The following APLF variants were observed in gnomAD, a reference collection of about 807,000 sequenced individuals.
APLF encodes aprataxin and PNK-like factor.
APLF carries 61 observed loss-of-function variants against 55.6 expected under a neutral mutation model. The observed-to-expected ratio is 1.10, with a 90% CI of 0.89 to 1.36. APLF has a LOEUF of 1.36. Ranked by LOEUF, APLF falls within the 40% of genes most tolerant of loss-of-function variation. The pLI is 0.00. For missense variants in APLF, 611 were observed against 602.5 expected, an observed-to-expected ratio of 1.01 and a Z score of -0.15; for synonymous variants, 207 against 214.8, an observed-to-expected ratio of 0.96 and a Z score of 0.32.
At chr2:68,535,044 G>C (rs1372199376) in intron 6 of APLF, among the ~76,000 whole-genome samples, 1 of 152,058 alleles carries the variant, frequency 6.6e-6, no homozygotes, top group Non-Finnish European at 1.5e-5. Context: ...TCCAGCTTTT[G>C]TGCCTCTTAA....
intron 3 of APLF, among the ~76,000 whole-genome samples, chr2:68,510,149 A>G (rs905335328): frequency 2.0e-5 from 3 of 151,806 alleles, no homozygotes; most frequent in African/African-American, 4.8e-5. Flanking sequence ...GCACACCAAC[A>G]TGGCACATGT....
intron 8 of APLF, among the ~76,000 whole-genome samples, chr2:68,546,038 A>G (rs1670694360): frequency 6.6e-6 from 1 of 152,156 alleles, no homozygotes; most frequent in African/African-American, 2.4e-5. Context: ...CTACTGGGCT[A>G]TTTGAAGTTG....
chr2:68,517,941 G>T (rs903882290), intron 5 of APLF, among the ~76,000 whole-genome samples: 2 of 140,988 alleles, frequency 1.4e-5, no homozygotes. Flanking sequence ...ATATATAACC[G>T]TAATATATCA....
At chr2:68,542,939 C>T (rs1278899551) in intron 7 of APLF, among the ~76,000 whole-genome samples, 3 of 152,116 alleles carry the variant, frequency 2.0e-5, no homozygotes. Flanking sequence ...TTGGTATATA[C>T]ATATGATGGA....
chr2:68,528,719 A>T, intron 6 of APLF: 11 of 1,512,086 alleles, frequency 7.3e-6, no homozygotes, highest in Non-Finnish European at 8.9e-6. Context: ...AAAGGGAAGG[A>T]TGCCTCCAGC....
At chr2:68,517,027 T>A (rs1404847373) in intron 5 of APLF, among the ~76,000 whole-genome samples, 1 of 97,762 alleles carries the variant, frequency 1.0e-5, no homozygotes, top group Admixed American at 1.1e-4. Context: ...AATAATATAT[T>A]AATATATAAT....
At chr2:68,568,844 T>C (rs1671379182) in intron 9 of APLF, among the ~76,000 whole-genome samples, 1 of 152,108 alleles carries the variant, frequency 6.6e-6, no homozygotes, top group African/African-American at 2.4e-5. Context: ...TTAATAGAAG[T>C]ATAGATATTT....
At position 68,579,903 on chromosome 2, in the gene APLF, G is replaced by A; in HGVS notation, c.*1881G>A. The A allele has an allele frequency of 6.8e-6, 3 of 440,316 alleles. No individual in the cohort carries two copies. The highest frequency in any genetic ancestry group is 9.0e-6 in the Non-Finnish European group (3 of 332,072). The allele number at this position is 440,316 out of a possible 1,614,324, so 27.3% of individuals were successfully genotyped here. A position where few individuals can be genotyped will look rare whatever the true frequency, so the allele number is the denominator to read the frequency against. ...ACTCTGTAAATATATTACAAACAAT[G>A]CATTGTACACTTTCAAAGGGTAGAT... On this transcript the variant is annotated 3_prime_UTR_variant, in exon 10 of 10. Transcript: ENST00000303795.
chr2:68,515,679 T>G, intron 5 of APLF: 1 of 983,410 alleles, frequency 1.0e-6, no homozygotes, highest in Non-Finnish European at 1.2e-6. Context: ...ATCGCATGTG[T>G]ACAATGTACT....
intron 1 of APLF, among the ~76,000 whole-genome samples, chr2:68,479,388 T>G (rs1675882255): frequency 6.6e-6 from 1 of 152,168 alleles, no homozygotes; most frequent in South Asian, 2.1e-4. Context: ...GCCAATCAAA[T>G]AAATTATGGA....
chr2:68,513,090 G>A lies in APLF; in HGVS notation c.352G>A (p.Val118Met), dbSNP rs894894553. ...EMQCTLRNSQVLDEDNILNET... is the reference protein window; with the variant it reads ...EMQCTLRNSQMLDEDNILNET... Reference sequence around the variant, plus strand: ...TATTTTATCTTATAGAAACAGTCAAGTGCTTGATGAAGATAATATATTGAA... The same window carrying A: ...TATTTTATCTTATAGAAACAGTCAAATGCTTGATGAAGATAATATATTGAA... Residue 118 changes from valine (V) to methionine (M), a missense_variant, in exon 4 of 10, where the codon GTG becomes ATG. Physicochemically the swap from Val to Met is conservative, Grantham distance 21. Transcript: ENST00000303795. 9 of 1,605,898 alleles carry A rather than the reference G, an allele frequency of 5.6e-6. No homozygotes were observed. Among genetic ancestry groups the A allele is most frequent in the South Asian group, 1.1e-5 (1 of 89,756 alleles).
At chr2:68,512,246 T>C (rs1669404805) in intron 3 of APLF, among the ~76,000 whole-genome samples, 1 of 151,706 alleles carries the variant, frequency 6.6e-6, no homozygotes, top group Non-Finnish European at 1.5e-5. Flanking sequence ...ATTAATATGA[T>C]TTCTGTCCCT....
chr2:68,564,871 G>A (rs987713608), intron 8 of APLF, among the ~76,000 whole-genome samples: 12 of 152,138 alleles, frequency 7.9e-5, no homozygotes, highest in Admixed American at 1.3e-4. Flanking sequence ...AATCTTGGCT[G>A]AGGAGAGAGG....
chr2:68,576,877 A>T (rs779218512), intron 9 of APLF, among the ~76,000 whole-genome samples: 6 of 152,176 alleles, frequency 3.9e-5, no homozygotes, highest in Non-Finnish European at 7.4e-5. Context: ...GTCCTCTGCC[A>T]TTCAGATTTC....
chr2:68,537,772 G>C (rs1670435560), intron 6 of APLF, 100 bp from the exon 7 acceptor site: 3 of 845,378 alleles, frequency 3.5e-6, no homozygotes, highest in Non-Finnish European at 3.6e-6. Context: ...GAAGTTTTAA[G>C]TTTACATTTT....
intron 8 of APLF, among the ~76,000 whole-genome samples, chr2:68,546,889 A>C (rs1445494361): frequency 6.6e-6 from 1 of 151,876 alleles, no homozygotes; most frequent in South Asian, 2.1e-4. Flanking sequence ...TTATGTGGCG[A>C]TTCAAGACAG....
chr2:68,570,910 C>A (rs1424177205), intron 9 of APLF, among the ~76,000 whole-genome samples: 4 of 152,176 alleles, frequency 2.6e-5, no homozygotes, highest in Non-Finnish European at 5.9e-5. Flanking sequence ...ACAGTCCCAC[C>A]AACAGTGTAA....
intron 8 of APLF, among the ~76,000 whole-genome samples, chr2:68,549,478 T>C (rs566439948): frequency 7.9e-5 from 12 of 152,226 alleles, no homozygotes; most frequent in African/African-American, 2.9e-4. Context: ...TTATCATTAT[T>C]GATTTATAAT....
intron 1 of APLF, among the ~76,000 whole-genome samples, chr2:68,475,951 T>C (rs1000514517): frequency 1.3e-5 from 2 of 151,964 alleles, no homozygotes; most frequent in African/African-American, 2.4e-5. Context: ...AATGAAATTA[T>C]GTCTAAAATA....
Sources: allele counts gnomAD v4.1 joint callset (sites outside exome capture counted in the v4.1 genomes callset), GRCh38; gene constraint gnomAD v4.1.1; transcripts MANE v1.5; gene names NCBI Gene and HGNC (gene_info 2026-07-23, HGNC 2026-07-21).